SLC39A12: variants seen among roughly 807,000 people sequenced by gnomAD.
SLC39A12 encodes the protein solute carrier family 39 member 12.
A neutral mutation model predicts 71.1 loss-of-function variants in SLC39A12; 63 were observed. The observed-to-expected ratio is 0.89, with a 90% confidence interval of 0.72 to 1.09. The LOEUF (loss-of-function observed/expected upper bound fraction) is 1.09, where lower values mean the gene tolerates loss of function less well. Ranked by LOEUF, SLC39A12 falls within the 50% of genes least tolerant of loss-of-function variation. SLC39A12 has a pLI of 0.00. For missense variants in SLC39A12, 892 were observed against 812.6 expected (o/e 1.10, Z -1.19); for synonymous variants, 351 against 301.3 (o/e 1.16, Z -1.71).
intron 4 of SLC39A12, among the ~76,000 whole-genome samples, chr10:17,974,110 C>A (rs1589225995): frequency 1.3e-5 from 2 of 151,110 alleles, no homozygotes; most frequent in South Asian, 4.2e-4. Flanking sequence ...TTATTGGGTT[C>A]TTTTTAATAA....
In SLC39A12 at chr10:17,970,698, G is replaced by T. The variant is rs907132854; in HGVS notation, c.751+5008G>T. ...TTTGTGTGTGTGTGTGTGTGTGTGT[G>T]TGTGTGTGTGTGTGTGTGTAGGTGA... On this transcript the variant is annotated intron_variant, in intron 4 of 12. Transcript: ENST00000377369. 3.3e-5 allele frequency among the ~76,000 whole-genome samples: 5 copies of T among 151,702 alleles called. No individual in the cohort carries two copies. The South Asian group carries it at 1.0e-3, about 32-fold the overall frequency.
chr10:17,998,672 C>G (rs1475432044), intron 10 of SLC39A12, among the ~76,000 whole-genome samples: 1 of 152,120 alleles, frequency 6.6e-6, no homozygotes, highest in Non-Finnish European at 1.5e-5. Context: ...AGTGATATTT[C>G]TAAATACCCA....
At chr10:18,004,001 TA>T (rs1835929958) in intron 12 of SLC39A12, among the ~76,000 whole-genome samples, 1 of 152,254 alleles carries the variant, frequency 6.6e-6, no homozygotes, top group South Asian at 2.1e-4. Flanking sequence ...GTATGTTTCC[TA>T]TAGAGGTCCT....
In SLC39A12 at chr10:17,981,491, C is replaced by T; in HGVS notation, c.1096+8C>T. On this transcript the variant is annotated splice_region_variant and intron_variant, in intron 6 of 12. Transcript: ENST00000377369. The stretch of plus-strand genomic sequence containing the variant: ...CACCTACCACTCTGGAGAGTAAGTT[C>T]TGGATCTTCCTTCAGAAAGCTGATG... The T allele has an allele frequency of 6.2e-7, 1 of 1,601,928 alleles. No individual in the cohort carries two copies. The highest frequency in any genetic ancestry group is 1.3e-5 in the African/African-American group (1 of 74,572).
intron 4 of SLC39A12, among the ~76,000 whole-genome samples, chr10:17,969,126 C>CT (rs1589223590): frequency 2.6e-5 from 4 of 152,156 alleles, no homozygotes; most frequent in African/African-American, 9.7e-5. Flanking sequence ...TGATCTCATT[C>CT]TTTTTTATGG....
At chr10:18,010,057 T>G (rs1348833979) in intron 12 of SLC39A12, among the ~76,000 whole-genome samples, 1 of 152,222 alleles carries the variant, frequency 6.6e-6, no homozygotes, top group Non-Finnish European at 1.5e-5. Context: ...AATCCTAGAC[T>G]TTTAGAATAT....
At chr10:17,973,942 GA>G (rs1564642939) in intron 4 of SLC39A12, among the ~76,000 whole-genome samples, 1 of 150,858 alleles carries the variant, frequency 6.6e-6, no homozygotes, top group Admixed American at 6.6e-5. Context: ...TTTTCAAATA[GA>G]CCCTGTCTTG....
intron 12 of SLC39A12, among the ~76,000 whole-genome samples, chr10:18,036,520 G>T (rs551935803): frequency 7.9e-5 from 12 of 151,612 alleles, no homozygotes; most frequent in Non-Finnish European, 1.0e-4. Context: ...CGCACGGTGC[G>T]CGCACCCACT....
intron 12 of SLC39A12, among the ~76,000 whole-genome samples, chr10:18,027,593 T>G (rs1274194241): frequency 6.6e-6 from 1 of 152,194 alleles, no homozygotes; most frequent in African/African-American, 2.4e-5. Context: ...AGCAATTCAT[T>G]CATTGCAGTC....
intron 12 of SLC39A12, among the ~76,000 whole-genome samples, chr10:18,018,389 T>C (rs1836441152): frequency 6.6e-6 from 1 of 152,188 alleles, no homozygotes; most frequent in African/African-American, 2.4e-5. Context: ...TCTTGTCTTA[T>C]TGCATTAGCC....
intron 3 of SLC39A12, among the ~76,000 whole-genome samples, chr10:17,962,310 A>C (rs1189736554): frequency 6.6e-6 from 1 of 152,228 alleles, no homozygotes; most frequent in East Asian, 1.9e-4. Flanking sequence ...AGCAGCTTGC[A>C]AAAAGCATTA....
At chr10:17,974,282 G>C (rs538700711) in intron 4 of SLC39A12, among the ~76,000 whole-genome samples, 2 of 151,878 alleles carry the variant, frequency 1.3e-5, no homozygotes, top group Non-Finnish European at 2.9e-5. Context: ...TAATTCATTC[G>C]GCGAGGTCAT....
At chr10:17,953,916 G>T (rs1029067294) in intron 2 of SLC39A12, among the ~76,000 whole-genome samples, 1 of 152,178 alleles carries the variant, frequency 6.6e-6, no homozygotes, top group Non-Finnish European at 1.5e-5. Context: ...AGCATAATGC[G>T]ATCTGATATT....
At position 18,043,029 on chromosome 10, in the gene SLC39A12, A is replaced by G; in HGVS notation, c.*196A>G. On this transcript the variant is annotated 3_prime_UTR_variant, in exon 13 of 13. Transcript: ENST00000377369. ...ATAAATATCAGACTGTCCTTAATTG[A>G]AATTTTGTCTTTGGTTTCCAACACC... The G allele has an allele frequency of 3.0e-6, 1 of 332,720 alleles. No homozygotes were observed. Among genetic ancestry groups the G allele is most frequent in the Non-Finnish European group, 5.1e-6 (1 of 197,616 alleles). The allele number at this position is 332,720 out of a possible 1,614,324, so 20.6% of individuals were successfully genotyped here.
chr10:17,963,012 T>G (rs547324041), intron 3 of SLC39A12, among the ~76,000 whole-genome samples: 80 of 152,118 alleles, frequency 5.3e-4, no homozygotes, highest in African/African-American at 1.9e-3. Flanking sequence ...ATTTAAAAAA[T>G]TAGCTGGATG....
chr10:17,969,540 A>G (rs1051219603), intron 4 of SLC39A12, among the ~76,000 whole-genome samples: 2 of 152,218 alleles, frequency 1.3e-5, no homozygotes, highest in Non-Finnish European at 2.9e-5. Flanking sequence ...TCTGATGATC[A>G]GTGACATTGA....
intron 3 of SLC39A12, among the ~76,000 whole-genome samples, chr10:17,965,099 C>G (rs566691065): frequency 3.9e-5 from 6 of 152,108 alleles, no homozygotes; most frequent in East Asian, 3.9e-4. Flanking sequence ...CCCAGCTACT[C>G]AGGAGGCTGA....
intron 12 of SLC39A12, among the ~76,000 whole-genome samples, chr10:18,033,486 C>T (rs993037002): frequency 5.7e-4 from 85 of 149,216 alleles, no homozygotes; most frequent in Admixed American, 2.2e-3. Flanking sequence ...TCTGTGGGAT[C>T]GGTGGTGATA....
chr10:18,032,926 G>T, intron 12 of SLC39A12, among the ~76,000 whole-genome samples: 1 of 130,296 alleles, frequency 7.7e-6, no homozygotes. Flanking sequence ...TTTTGTCTTT[G>T]GCTCTGTTTA....
Sources: allele counts gnomAD v4.1 joint callset (sites outside exome capture counted in the v4.1 genomes callset), GRCh38; gene constraint gnomAD v4.1.1; transcripts MANE v1.5; gene names NCBI Gene and HGNC (gene_info 2026-07-23, HGNC 2026-07-21).